Variants in TCERG1L observed in about 807,000 individuals in gnomAD.
TCERG1L encodes transcription elongation regulator 1 like, also known as transcription elongation regulator 1-like protein.
A neutral mutation model predicts 56.3 loss-of-function variants in TCERG1L; 37 were observed. That is an observed-to-expected ratio of 0.66 (90% CI 0.51 to 0.87). TCERG1L has a LOEUF of 0.87. Ranked by LOEUF, TCERG1L falls within the 40% of genes least tolerant of loss-of-function variation. The pLI, the probability that TCERG1L is intolerant of heterozygous loss-of-function variation, is 0.00. For synonymous variants in TCERG1L, 324 were observed against 326.3 expected (o/e 0.99, Z 0.08); for missense variants, 799 against 774.2 (o/e 1.03, Z -0.38).
rs140397810 is a variant in TCERG1L, at chr10:131,212,163, C to G, written c.857-45278G>C. Among the ~76,000 whole-genome samples the G allele has an allele frequency of 5.9e-5, 9 of 152,332 alleles. No individual in the cohort carries two copies. In the East Asian group the frequency reaches 1.5e-3, roughly 26 times the overall value. ...CCAAAAGTGCAGGCTAAGGTTGTGT[C>G]TGCCTCTTCATTCACACGCTGTACC... is the stretch of plus-strand genomic sequence containing the variant. On this transcript the variant is annotated intron_variant, in intron 4 of 11. Coordinates refer to ENST00000368642, the MANE Select transcript of TCERG1L (RefSeq NM_174937.4).
intron 4 of TCERG1L, among the ~76,000 whole-genome samples, chr10:131,170,475 A>G (rs1846078250): frequency 6.6e-6 from 1 of 151,500 alleles, no homozygotes; most frequent in Non-Finnish European, 1.5e-5. Flanking sequence ...CTTTCTGGGC[A>G]ATGCCTCTAT....
At chr10:131,127,735 C>T (rs2079179209) in intron 8 of TCERG1L, among the ~76,000 whole-genome samples, 1 of 152,058 alleles carries the variant, frequency 6.6e-6, no homozygotes. Context: ...GGAGACAGGT[C>T]CCCCAAAGAC....
intron 4 of TCERG1L, among the ~76,000 whole-genome samples, chr10:131,168,851 G>T (rs1045921744): frequency 2.0e-5 from 3 of 152,184 alleles, no homozygotes; most frequent in Non-Finnish European, 2.9e-5. Context: ...CAAGAGGCCT[G>T]CCAAGGCCGA....
At chr10:131,108,824 T>C (rs1392141200) in intron 9 of TCERG1L, among the ~76,000 whole-genome samples, 1 of 152,190 alleles carries the variant, frequency 6.6e-6, no homozygotes, top group Non-Finnish European at 1.5e-5. Flanking sequence ...AATTCAGGTC[T>C]TGTGGTTGCA....
intron 7 of TCERG1L, among the ~76,000 whole-genome samples, chr10:131,135,361 A>AG (rs1433087446): frequency 6.6e-6 from 1 of 152,074 alleles, no homozygotes; most frequent in Non-Finnish European, 1.5e-5. Context: ...CCTTCCTGGG[A>AG]GGGTCTGCGA....
chr10:131,213,772 A>G (rs1053139263), intron 4 of TCERG1L, among the ~76,000 whole-genome samples: 18 of 152,346 alleles, frequency 1.2e-4, no homozygotes, highest in African/African-American at 4.1e-4. Context: ...TGGCACACAC[A>G]GGCAAGAATC....
chr10:131,175,950 T>C (rs1846143127), intron 4 of TCERG1L, among the ~76,000 whole-genome samples: 1 of 152,176 alleles, frequency 6.6e-6, no homozygotes, highest in African/African-American at 2.4e-5. Context: ...CCTGAAACTT[T>C]TTTTCAAAGC....
rs558556922 is a variant in TCERG1L, at chr10:131,289,614, G to A, written c.670+18597C>T. Reference sequence around the variant, plus strand: ...ATCAATGTGAGTGTATGTGTGCACCGCTGTGTGTGAGGTGTGCACTGCCTC... The same window carrying A: ...ATCAATGTGAGTGTATGTGTGCACCACTGTGTGTGAGGTGTGCACTGCCTC... On this transcript the variant is annotated intron_variant, in intron 3 of 11. Coordinates refer to ENST00000368642, the MANE Select transcript of TCERG1L (RefSeq NM_174937.4). 7.2e-4 allele frequency among the ~76,000 whole-genome samples: 39 copies of A among 53,986 alleles called. 13 individuals carry two copies. The South Asian group carries it at 0.019, about 26-fold the overall frequency. 35.4% of individuals were successfully genotyped at this position (53,986 alleles called of 152,430 possible).
At chr10:131,170,708 G>A (rs543419402) in intron 4 of TCERG1L, among the ~76,000 whole-genome samples, 67 of 152,276 alleles carry the variant, frequency 4.4e-4, no homozygotes, top group Non-Finnish European at 9.0e-4. Context: ...TGCTGGTGGG[G>A]AAGAAGTGAG....
chr10:131,172,003 A>G (rs1366530364), intron 4 of TCERG1L, among the ~76,000 whole-genome samples: 1 of 152,254 alleles, frequency 6.6e-6, no homozygotes, highest in Non-Finnish European at 1.5e-5. Context: ...CCCAATGCAA[A>G]AAGTAATTCT....
chr10:131,150,907 T>C (rs1845857084), intron 6 of TCERG1L, among the ~76,000 whole-genome samples: 1 of 152,150 alleles, frequency 6.6e-6, no homozygotes. Context: ...AAGGCACCTC[T>C]TCACAGGGCA....
In TCERG1L at chr10:131,094,553, C is replaced by T. The variant is rs117667701; in HGVS notation, c.1605-1235G>A. 4.6e-5 allele frequency among the ~76,000 whole-genome samples: 7 copies of T among 152,320 alleles called. No homozygotes were observed. The East Asian group carries it at 7.7e-4, about 17-fold the overall frequency. On this transcript the variant is annotated intron_variant, in intron 11 of 11. Coordinates refer to ENST00000368642, the MANE Select transcript of TCERG1L (RefSeq NM_174937.4). The stretch of plus-strand genomic sequence containing the variant: ...TCTCATTCCTTCCCCAAGGCGCTGC[C>T]GTTTTCCTGCTCTCCGTCTGTGGGG...
At chr10:131,140,299 AG>A (rs2133409528) in intron 7 of TCERG1L, among the ~76,000 whole-genome samples, 1 of 152,256 alleles carries the variant, frequency 6.6e-6, no homozygotes, top group Non-Finnish European at 1.5e-5. Context: ...TGCTCCTGGC[AG>A]GAGCTCAGCC....
intron 6 of TCERG1L, among the ~76,000 whole-genome samples, chr10:131,159,214 C>G (rs1589731735): frequency 6.6e-6 from 1 of 152,326 alleles, no homozygotes; most frequent in African/African-American, 2.4e-5. Flanking sequence ...CACACTGTGC[C>G]CTGACAGCCA....
At chr10:131,106,994 G>A (rs1198717036) in intron 9 of TCERG1L, among the ~76,000 whole-genome samples, 1 of 152,068 alleles carries the variant, frequency 6.6e-6, no homozygotes, top group Non-Finnish European at 1.5e-5. Context: ...GGGTCTCAGG[G>A]CAAGGTGGCA....
chr10:131,126,915 G>A (rs1589722461), intron 8 of TCERG1L, among the ~76,000 whole-genome samples: 1 of 152,184 alleles, frequency 6.6e-6, no homozygotes, highest in African/African-American at 2.4e-5. Flanking sequence ...TGAGGGAGAC[G>A]GTCAGGGCAC....
At position 131,092,956 on chromosome 10, in the gene TCERG1L, T is replaced by G. The variant is rs189547566; in HGVS notation, c.*206A>C. ...TAAGGGATCGACGTATCACGGTGAT[T>G]AGAAATGCATCAAACTCTGAATGTA... On this transcript the variant is annotated 3_prime_UTR_variant, in exon 12 of 12. Transcript: ENST00000368642. 197 of 524,470 alleles carry G rather than the reference T, an allele frequency of 3.8e-4. No homozygotes were observed. Among genetic ancestry groups the G allele is most frequent in the African/African-American group, 3.5e-3 (181 of 52,134 alleles). 32.5% of individuals were successfully genotyped at this position (524,470 alleles called of 1,614,324 possible).
rs1194845981 is a variant in TCERG1L, at chr10:131,118,265, A to G, written c.1260-1331T>C. 2.6e-5 allele frequency among the ~76,000 whole-genome samples: 4 copies of G among 152,222 alleles called. No homozygotes were observed. The highest frequency in any genetic ancestry group is 9.6e-5 in the African/African-American group (4 of 41,462). Reference sequence around the variant, plus strand: ...GAGCTCCCTAAGTGCTCGGAGATGTAGGAATGGCATGTACATCTAAAGGCA... The same window carrying G: ...GAGCTCCCTAAGTGCTCGGAGATGTGGGAATGGCATGTACATCTAAAGGCA... On this transcript the variant is annotated intron_variant, in intron 8 of 11. Transcript: ENST00000368642. The surrounding 1 kb of genome is among the most constrained non-coding windows in gnomAD (Gnocchi z 4.2).
intron 4 of TCERG1L, among the ~76,000 whole-genome samples, chr10:131,168,203 G>C (rs1011576946): frequency 5.3e-5 from 8 of 152,236 alleles, no homozygotes; most frequent in African/African-American, 1.9e-4. Flanking sequence ...TAGAAAGGAT[G>C]TCCTCTGGCC....
Sources: gnomAD v4.1 joint callset for allele counts (sites outside exome capture counted in the v4.1 genomes callset) on GRCh38, gnomAD v4.1.1 for gene constraint, Gnocchi (gnomAD v3.1) non-coding constraint, MANE v1.5 for transcripts, NCBI Gene and HGNC (gene_info 2026-07-23, HGNC 2026-07-21) for gene names.